Variants in TBCE observed in about 807,000 individuals in gnomAD.
TBCE encodes tubulin folding cofactor E.
TBCE carries 53 observed loss-of-function variants against 77.0 expected under a neutral mutation model. The ratio of observed to expected loss-of-function variants is 0.69; its 90% CI spans 0.55 to 0.87. The LOEUF (loss-of-function observed/expected upper bound fraction) is 0.87. Among genes scored for constraint, TBCE ranks in the 40% least tolerant of loss-of-function variants. The pLI, the probability that TBCE is intolerant of heterozygous loss-of-function variation, is 0.00. For missense variants in TBCE, 624 were observed against 622.4 expected, an observed-to-expected ratio of 1.00 and a Z score of -0.03; for synonymous variants, 235 against 241.3, an observed-to-expected ratio of 0.97 and a Z score of 0.24.
chr1:235,436,853 T>A (rs1302138010), intron 11 of TBCE, among the ~76,000 whole-genome samples: 2 of 151,890 alleles, frequency 1.3e-5, no homozygotes, highest in Non-Finnish European at 1.5e-5. Context: ...GTGTGGTGGC[T>A]CAAGCCTGTA....
chr1:235,375,090 T>G (rs1677213834), intron 1 of TBCE, among the ~76,000 whole-genome samples: 1 of 151,192 alleles, frequency 6.6e-6, no homozygotes, highest in Non-Finnish European at 1.5e-5. Flanking sequence ...CCGGCTAATT[T>G]TTTGTATTTT....
intron 5 of TBCE, among the ~76,000 whole-genome samples, chr1:235,426,820 A>G (rs933835790): frequency 5.9e-5 from 9 of 152,008 alleles, no homozygotes; most frequent in African/African-American, 2.2e-4. Flanking sequence ...TAATTTCTGT[A>G]TTTTTAGTAG....
Position 235,437,348 on chromosome 1 carries a change from G to T in TBCE, c.990G>T (p.Lys330Asn). Residue 330 changes from lysine (K) to asparagine (N), a missense_variant, in exon 12 of 17, where the codon AAG (lysine) becomes AAT (asparagine). By Grantham distance (94) the Lys-to-Asn change is moderately conservative. Coordinates refer to ENST00000642610, the MANE Select transcript of TBCE (RefSeq NM_003193.5). The part of the protein sequence containing the change: ...SQWSFFNELE[K>N]LPSLRALSCL... ...GGTCGTTTTTCAATGAGCTAGAGAA[G>T]TTACCAAGTCTACGGGCTTTGTCCT... 1 of 1,614,028 alleles carries T rather than the reference G, an allele frequency of 6.2e-7. No homozygotes were observed. The highest frequency in any genetic ancestry group is 8.5e-7 in the Non-Finnish European group (1 of 1,180,008).
chr1:235,424,830 A>G (rs1376514684), intron 5 of TBCE, among the ~76,000 whole-genome samples: 1 of 151,626 alleles, frequency 6.6e-6, no homozygotes, highest in Non-Finnish European at 1.5e-5. Flanking sequence ...TAGTAGAGAC[A>G]GGGTTTCACC....
intron 1 of TBCE, among the ~76,000 whole-genome samples, chr1:235,379,510 A>G (rs925136297): frequency 1.2e-4 from 19 of 152,038 alleles, no homozygotes; most frequent in Non-Finnish European, 2.9e-5. Flanking sequence ...CCTGGGCAAC[A>G]GAGTGAGACA....
At position 235,449,272 on chromosome 1, in the gene TBCE, T is replaced by TAATC. The variant is rs1357375889; in HGVS notation, c.*512_*515dup. The stretch of plus-strand genomic sequence containing the variant: ...GCACTATTTCTAAGAGTACTTAAAT[T>TAATC]AATCACATGCTTTTCCCTACAATTA... On this transcript the variant is annotated 3_prime_UTR_variant, in exon 17 of 17. Transcript: ENST00000642610. The TAATC allele has an allele frequency of 6.0e-6, 1 of 166,986 alleles. No individual in the cohort carries two copies. The highest frequency in any genetic ancestry group is 1.3e-5 in the Non-Finnish European group (1 of 76,650). 10.3% of individuals were successfully genotyped at this position (166,986 alleles called of 1,614,324 possible).
intron 15 of TBCE, among the ~76,000 whole-genome samples, chr1:235,445,602 A>G (rs60247179): frequency 0.056 from 8,479 of 152,210 alleles, 444 homozygotes; most frequent in African/African-American, 0.14. Flanking sequence ...AGCCACTGCA[A>G]TCTGGCCTGG....
At chr1:235,395,004 C>T (rs151266220) in intron 2 of TBCE, among the ~76,000 whole-genome samples, 1 of 152,298 alleles carries the variant, frequency 6.6e-6, no homozygotes, top group Non-Finnish European at 1.5e-5. Context: ...AGTTCCAGGC[C>T]AGCTTATATA....
intron 12 of TBCE, 96 bp from the exon 13 acceptor site, chr1:235,438,673 T>C (rs920635057): frequency 3.9e-5 from 55 of 1,407,032 alleles, no homozygotes; most frequent in Non-Finnish European, 5.2e-5. Context: ...GATTATTTTC[T>C]GCATGTGCTA....
At chr1:235,374,902 G>A (rs1294351333) in intron 1 of TBCE, among the ~76,000 whole-genome samples, 1 of 140,002 alleles carries the variant, frequency 7.1e-6, no homozygotes, top group Non-Finnish European at 1.5e-5. Flanking sequence ...TGATAGAGAT[G>A]TAGATTTCTT....
chr1:235,448,936 T>C lies in TBCE; in HGVS notation c.*174T>C. On this transcript the variant is annotated 3_prime_UTR_variant, in exon 17 of 17. Coordinates refer to ENST00000642610, the MANE Select transcript of TBCE (RefSeq NM_003193.5). ...AAGTGACCATTTCTAGGCTTATACA[T>C]AATAGCAATAATAAAGGCTTTGAAC... 1.7e-6 allele frequency: 1 copy of C among 575,728 alleles called. No homozygotes were observed. 35.7% of individuals were successfully genotyped at this position (575,728 alleles called of 1,614,324 possible).
chr1:235,371,757 C>T (rs1281470474), intron 1 of TBCE, among the ~76,000 whole-genome samples: 1 of 152,074 alleles, frequency 6.6e-6, no homozygotes, highest in Non-Finnish European at 1.5e-5. Flanking sequence ...ACTACAACCT[C>T]CACTTCCCGG....
chr1:235,437,183 G>A, intron 11 of TBCE, 139 bp from the exon 12 acceptor site: 1 of 972,922 alleles, frequency 1.0e-6, no homozygotes. Context: ...GGTCTTTCTA[G>A]AGGGGATTGC....
chr1:235,401,475 A>T (rs1256421532), intron 2 of TBCE, 28 bp from the exon 3 acceptor site: 1 of 1,585,606 alleles, frequency 6.3e-7, no homozygotes, highest in Admixed American at 1.7e-5. Flanking sequence ...ATCATCTGTT[A>T]CTCATTTGGT....
At chr1:235,409,835 CCTAT>C (rs1679671926) in intron 3 of TBCE, among the ~76,000 whole-genome samples, 1 of 97,508 alleles carries the variant, frequency 1.0e-5, no homozygotes, top group Non-Finnish European at 2.0e-5. Flanking sequence ...TCGAGACCAT[CCTAT>C]CTAACACAGT....
chr1:235,377,625 A>G (rs1379765775), intron 1 of TBCE, among the ~76,000 whole-genome samples: 2 of 151,290 alleles, frequency 1.3e-5, no homozygotes, highest in East Asian at 1.9e-4. Context: ...GTAACAGACA[A>G]CTCCAGTAAC....
chr1:235,402,103 C>T (rs1209926628), intron 3 of TBCE, among the ~76,000 whole-genome samples: 8 of 143,430 alleles, frequency 5.6e-5, no homozygotes, highest in East Asian at 2.0e-4. Context: ...CTCACTCTGT[C>T]GCCCAGCTGG....
At chr1:235,398,535 C>T (rs13376319) in intron 2 of TBCE, among the ~76,000 whole-genome samples, 29 of 151,346 alleles carry the variant, frequency 1.9e-4, no homozygotes, top group African/African-American at 6.3e-4. Flanking sequence ...TCTCATCTTA[C>T]TACTTGCTTT....
chr1:235,407,678 G>A (rs956484305), intron 3 of TBCE, among the ~76,000 whole-genome samples: 2 of 152,144 alleles, frequency 1.3e-5, no homozygotes, highest in African/African-American at 4.8e-5. Context: ...ATTTAGTTGG[G>A]TATGACAAGA....
Sources: gnomAD v4.1 joint callset for allele counts (sites outside exome capture counted in the v4.1 genomes callset) on GRCh38, gnomAD v4.1.1 for gene constraint, MANE v1.5 for transcripts, NCBI Gene and HGNC (gene_info 2026-07-23, HGNC 2026-07-21) for gene names.